SLC25A21: variants seen among roughly 807,000 people sequenced by gnomAD.
The protein encoded by SLC25A21 is mitochondrial 2-oxodicarboxylate carrier.
Under a neutral mutation model 43.8 loss-of-function variants are expected in SLC25A21, and 47 were observed. That is an observed-to-expected ratio of 1.07 (90% CI 0.85 to 1.37). The LOEUF is 1.37. Among genes scored for constraint, SLC25A21 ranks in the 40% most tolerant of loss-of-function variants. The probability of loss-of-function intolerance (pLI) is 0.00; values close to 1 mark genes in which losing one functional copy is unlikely to be tolerated. For missense variants in SLC25A21, 352 were observed against 350.2 expected (o/e 1.00, Z -0.04); for synonymous variants, 131 against 121.3 (o/e 1.08, Z -0.52).
intron 1 of SLC25A21, among the ~76,000 whole-genome samples, chr14:36,964,392 G>A (rs1179172203): frequency 6.6e-6 from 1 of 152,136 alleles, no homozygotes; most frequent in Admixed American, 6.5e-5. Flanking sequence ...ACCATTCTCT[G>A]GGCCACAGCC....
At chr14:36,945,719 T>C (rs1022941812) in intron 1 of SLC25A21, among the ~76,000 whole-genome samples, 7 of 152,006 alleles carry the variant, frequency 4.6e-5, no homozygotes, top group African/African-American at 1.7e-4. Flanking sequence ...GGGGAGAAGA[T>C]AATGGGGAGC....
chr14:36,928,148 T>G (rs1223331060), intron 1 of SLC25A21, among the ~76,000 whole-genome samples: 1 of 152,202 alleles, frequency 6.6e-6, no homozygotes, highest in Non-Finnish European at 1.5e-5. Context: ...CCCTCCTTCA[T>G]ATAGTCTGGC....
intron 1 of SLC25A21, 140 bp downstream of exon 1, chr14:37,172,141 G>A: frequency 2.3e-6 from 2 of 873,880 alleles, no homozygotes; most frequent in Middle Eastern, 3.6e-4. Flanking sequence ...GCCTCTAGGG[G>A]CTCAAGCACT....
intron 6 of SLC25A21, among the ~76,000 whole-genome samples, chr14:36,721,031 A>C (rs1182901133): frequency 6.6e-6 from 1 of 152,212 alleles, no homozygotes; most frequent in Non-Finnish European, 1.5e-5. Flanking sequence ...ACTGCTCAAT[A>C]TTAATTGGAG....
intron 3 of SLC25A21, among the ~76,000 whole-genome samples, chr14:36,764,147 A>AGAAGGAAAGAAGGAAAGAAG (rs1566588059): frequency 3.5e-5 from 2 of 57,512 alleles, no homozygotes; most frequent in African/African-American, 1.8e-4. Flanking sequence ...AAAGAAGGAA[A>AGAAGGAAAGAAGGAAAGAAG]GAAAGAAAGA....
Position 36,678,135 on chromosome 14 carries a change from C to T in SLC25A21, c.*2523G>A. On this transcript the variant is annotated 3_prime_UTR_variant, in exon 10 of 10. Transcript: ENST00000331299. ...TTCCCTAGGTGATTTTAATTTCTTC[C>T]GGTCTGTGCTGTGCACAGTCTACAT... 4.2e-6 allele frequency: 1 copy of T among 238,508 alleles called. No homozygotes were observed. Among genetic ancestry groups the T allele is most frequent in the Non-Finnish European group, 8.1e-6 (1 of 123,568 alleles). The allele number at this position is 238,508 out of a possible 1,614,324, so 14.8% of individuals were successfully genotyped here.
At chr14:36,834,401 C>G (rs748159131) in intron 2 of SLC25A21, among the ~76,000 whole-genome samples, 1 of 152,228 alleles carries the variant, frequency 6.6e-6, no homozygotes, top group Non-Finnish European at 1.5e-5. Flanking sequence ...CACCTACCTA[C>G]TGCATGAACT....
At chr14:36,798,584 G>A (rs1171546668) in intron 3 of SLC25A21, among the ~76,000 whole-genome samples, 1 of 150,952 alleles carries the variant, frequency 6.6e-6, no homozygotes, top group Non-Finnish European at 1.5e-5. Context: ...CTGGTATGCT[G>A]CCTAACAGAG....
intron 1 of SLC25A21, among the ~76,000 whole-genome samples, chr14:36,953,373 T>C (rs576838759): frequency 6.6e-6 from 1 of 152,292 alleles, no homozygotes; most frequent in African/African-American, 2.4e-5. Context: ...ATTAATAAAA[T>C]TTAGTCATAC....
intron 3 of SLC25A21, among the ~76,000 whole-genome samples, chr14:36,787,118 C>G (rs1887280561): frequency 6.6e-6 from 1 of 152,190 alleles, no homozygotes; most frequent in African/African-American, 2.4e-5. Flanking sequence ...GCTGGATTCA[C>G]ACATAATGCC....
At chr14:36,811,912 G>A in intron 3 of SLC25A21, among the ~76,000 whole-genome samples, 1 of 151,966 alleles carries the variant, frequency 6.6e-6, no homozygotes. Flanking sequence ...TATCAGGATG[G>A]AAAAGATAGA....
intron 1 of SLC25A21, among the ~76,000 whole-genome samples, chr14:36,903,340 C>A (rs946541036): frequency 6.6e-6 from 1 of 152,016 alleles, no homozygotes; most frequent in African/African-American, 2.4e-5. Flanking sequence ...GTTCAGTTCA[C>A]ATAGTGTTCT....
chr14:36,987,717 T>C (rs193184391), intron 1 of SLC25A21, among the ~76,000 whole-genome samples: 3 of 152,308 alleles, frequency 2.0e-5, no homozygotes, highest in Admixed American at 1.3e-4. Context: ...TTTCCTATTA[T>C]ACATAATGTT....
In SLC25A21 at chr14:36,833,484, A is replaced by G. The variant is rs114376467; in HGVS notation, c.120-19483T>C. Among the ~76,000 whole-genome samples the G allele has an allele frequency of 9.9e-3, 1,515 of 152,310 alleles. 20 individuals carry two copies. The highest frequency in any genetic ancestry group is 0.034 in the African/African-American group (1,405 of 41,562). On this transcript the variant is annotated intron_variant, in intron 2 of 9. Transcript: ENST00000331299. ...TGTGATCTTTAAACGCTTAGGAATAATGTTGTAGAAGTTTAGAAAAAATGT... is the reference window on the plus strand; with the variant it reads ...TGTGATCTTTAAACGCTTAGGAATAGTGTTGTAGAAGTTTAGAAAAAATGT...
At chr14:36,842,573 T>C (rs1187448805) in intron 2 of SLC25A21, among the ~76,000 whole-genome samples, 5 of 152,200 alleles carry the variant, frequency 3.3e-5, no homozygotes, top group African/African-American at 1.2e-4. Flanking sequence ...GGTTTATTTG[T>C]GAAGGAGGTG....
intron 1 of SLC25A21, among the ~76,000 whole-genome samples, chr14:37,081,222 TTAG>T: frequency 6.6e-6 from 1 of 152,294 alleles, no homozygotes; most frequent in East Asian, 1.9e-4. Flanking sequence ...GTTACCTAAG[TTAG>T]AACACTTTTT....
At chr14:36,807,230 C>G (rs989079423) in intron 3 of SLC25A21, 1 of 152,326 alleles carries the variant, frequency 6.6e-6, no homozygotes, top group African/African-American at 2.4e-5. Flanking sequence ...TGAACTCCAC[C>G]GGATCTGTAG....
intron 6 of SLC25A21, among the ~76,000 whole-genome samples, chr14:36,720,250 C>T (rs1594521275): frequency 1.3e-5 from 2 of 152,356 alleles, no homozygotes; most frequent in African/African-American, 4.8e-5. Flanking sequence ...CCTCGACTGT[C>T]CTCTGCTGCA....
At chr14:37,011,021 G>A (rs945563088) in intron 1 of SLC25A21, among the ~76,000 whole-genome samples, 4 of 152,274 alleles carry the variant, frequency 2.6e-5, no homozygotes, top group Admixed American at 2.6e-4. Flanking sequence ...TGAGTAGCTG[G>A]AACTACAGGT....
Sources: allele counts gnomAD v4.1 joint callset (sites outside exome capture counted in the v4.1 genomes callset), GRCh38; gene constraint gnomAD v4.1.1; transcripts MANE v1.5; gene names NCBI Gene and HGNC (gene_info 2026-07-23, HGNC 2026-07-21).